The following ICA1 variants were observed in gnomAD, a reference collection of about 807,000 sequenced individuals.
The protein encoded by ICA1 is islet cell autoantigen 1.
A neutral mutation model predicts 71.0 loss-of-function variants in ICA1; 40 were observed. The ratio of observed to expected loss-of-function variants is 0.56; its 90% CI spans 0.44 to 0.73. The LOEUF (loss-of-function observed/expected upper bound fraction) is 0.73, where lower values mean the gene tolerates loss of function less well. Among genes scored for constraint, ICA1 ranks in the 30% least tolerant of loss-of-function variants. ICA1 has a pLI of 0.00. For missense variants in ICA1, 578 were observed against 576.5 expected (o/e 1.00, Z -0.03); for synonymous variants, 207 against 209.5 (o/e 0.99, Z 0.10).
chr7:8,155,316 T>C (rs1346082328), intron 8 of ICA1, among the ~76,000 whole-genome samples: 2 of 152,236 alleles, frequency 1.3e-5, no homozygotes, highest in African/African-American at 4.8e-5. Context: ...AAGTATGTCC[T>C]GAACCACTGC....
chr7:8,157,096 G>T lies in ICA1; in HGVS notation c.804+20C>A. Reference sequence around the variant, plus strand: ...TTTACTTTTCTCAAGATTTTCTAGTGGCCCCTCTAGCTTCCATACCTTTAA... The same window carrying T: ...TTTACTTTTCTCAAGATTTTCTAGTTGCCCCTCTAGCTTCCATACCTTTAA... On this transcript the variant is annotated intron_variant, in intron 8 of 13. Transcript: ENST00000402384. 1.9e-6 allele frequency: 3 copies of T among 1,614,120 alleles called. No homozygotes were observed. Among genetic ancestry groups the T allele is most frequent in the Non-Finnish European group, 2.5e-6 (3 of 1,180,034 alleles).
At chr7:8,242,845 CCCT>C (rs557332440) in intron 1 of ICA1, among the ~76,000 whole-genome samples, 170 of 152,300 alleles carry the variant, frequency 1.1e-3, no homozygotes, top group African/African-American at 3.8e-3. Flanking sequence ...GACACATACA[CCCT>C]CCCAAGACTA....
intron 5 of ICA1, 112 bp from the exon 6 acceptor site, chr7:8,218,615 A>G (rs1401308477): frequency 1.3e-6 from 1 of 785,690 alleles, no homozygotes; most frequent in Non-Finnish European, 2.2e-6. Flanking sequence ...TGGAATGTAG[A>G]AGATGCTCCA....
rs369569955 is a variant in ICA1, at chr7:8,130,884, C to G, written c.1061-2742G>C. Among the ~76,000 whole-genome samples, 1 of 152,162 alleles carries G rather than the reference C, an allele frequency of 6.6e-6. No homozygotes were observed. The highest frequency in any genetic ancestry group is 1.5e-5 in the Non-Finnish European group (1 of 68,032). On this transcript the variant is annotated intron_variant, in intron 12 of 13. Coordinates refer to ENST00000402384, the MANE Select transcript of ICA1 (RefSeq NM_001136020.3). The surrounding 1 kb of genome is among the most constrained non-coding windows in gnomAD (Gnocchi z 4.2). ...AATGGACTTTGGTGGTTTTTGCTAA[C>G]TCAGCATCCCTTCCCTCTGCTTCTT... is the stretch of plus-strand genomic sequence containing the variant.
chr7:8,239,587 G>A (rs1382220357), intron 1 of ICA1, among the ~76,000 whole-genome samples: 1 of 152,200 alleles, frequency 6.6e-6, no homozygotes, highest in East Asian at 1.9e-4. Flanking sequence ...CCGAAACAGG[G>A]CAGGGCATCT....
chr7:8,131,462 C>A (rs1246569921), intron 12 of ICA1, among the ~76,000 whole-genome samples: 1 of 152,152 alleles, frequency 6.6e-6, no homozygotes, highest in Non-Finnish European at 1.5e-5. Context: ...TTGCCTACAG[C>A]CAGTTCTAAA....
At chr7:8,218,805 G>T (rs2128414686) in intron 5 of ICA1, 1 of 425,724 alleles carries the variant, frequency 2.3e-6, no homozygotes. Flanking sequence ...TTGAAGCTGG[G>T]GCCAATCCCG....
At chr7:8,237,783 G>A (rs1044102607) in intron 1 of ICA1, among the ~76,000 whole-genome samples, 1 of 151,444 alleles carries the variant, frequency 6.6e-6, no homozygotes, top group South Asian at 2.1e-4. Flanking sequence ...TTTTAAGGCT[G>A]AATGATATTG....
intron 1 of ICA1, among the ~76,000 whole-genome samples, chr7:8,239,122 T>C (rs1028831194): frequency 6.6e-6 from 1 of 152,222 alleles, no homozygotes; most frequent in Non-Finnish European, 1.5e-5. Flanking sequence ...GAACGCCTCA[T>C]GAGAAGGCAG....
At chr7:8,249,131 C>G (rs1400901013) in intron 1 of ICA1, among the ~76,000 whole-genome samples, 7 of 152,246 alleles carry the variant, frequency 4.6e-5, no homozygotes, top group African/African-American at 1.7e-4. Flanking sequence ...GCTACAGGCT[C>G]CCTGTGATGG....
chr7:8,221,451 A>G, intron 4 of ICA1, 53 bp from the exon 5 acceptor site: 1 of 1,598,330 alleles, frequency 6.3e-7, no homozygotes, highest in South Asian at 1.1e-5. Context: ...TTTGATTGCA[A>G]AGGGAACAAG....
At chr7:8,118,469 A>G (rs1408135087) in intron 13 of ICA1, among the ~76,000 whole-genome samples, 1 of 152,212 alleles carries the variant, frequency 6.6e-6, no homozygotes, top group East Asian at 1.9e-4. Flanking sequence ...GTTCTCTTAC[A>G]GTGGGTGAAG....
intron 6 of ICA1, among the ~76,000 whole-genome samples, chr7:8,180,608 A>T (rs1280145299): frequency 6.6e-6 from 1 of 152,194 alleles, no homozygotes; most frequent in African/African-American, 2.4e-5. Flanking sequence ...TCCGACTATC[A>T]GTGCATGATA....
chr7:8,255,317 T>C (rs904494884), intron 1 of ICA1, among the ~76,000 whole-genome samples: 13 of 152,346 alleles, frequency 8.5e-5, no homozygotes, highest in African/African-American at 3.1e-4. Context: ...TCATTTCTCA[T>C]GACTTTTGAC....
chr7:8,210,015 A>G (rs1793094744), intron 6 of ICA1, among the ~76,000 whole-genome samples: 1 of 152,206 alleles, frequency 6.6e-6, no homozygotes, highest in Non-Finnish European at 1.5e-5. Flanking sequence ...AGGGCCTAGA[A>G]GGCCACACTA....
rs146190288 is a variant in ICA1, at chr7:8,183,884, G to A, written c.580-25232C>T. ...TCTACTCTTAAGGAAATTTCAAGTT[G>A]TCGGAAAGTTGAGACTTGGGCACAA... On this transcript the variant is annotated intron_variant, in intron 6 of 13. Transcript: ENST00000402384. Among the ~76,000 whole-genome samples the A allele has an allele frequency of 1.1e-4, 17 of 152,248 alleles. No homozygotes were observed. The East Asian group carries it at 3.3e-3, about 29-fold the overall frequency.
At chr7:8,243,893 A>G (rs1804915267) in intron 1 of ICA1, among the ~76,000 whole-genome samples, 2 of 152,348 alleles carry the variant, frequency 1.3e-5, no homozygotes, top group South Asian at 4.1e-4. Context: ...GAGAACTACA[A>G]ACCACTGCTC....
chr7:8,223,847 C>T lies in ICA1; in HGVS notation c.257-2449G>A, dbSNP rs1299951248. On this transcript the variant is annotated intron_variant, in intron 4 of 13. Coordinates refer to ENST00000402384, the MANE Select transcript of ICA1 (RefSeq NM_001136020.3). The surrounding 1 kb of genome is among the most constrained non-coding windows in gnomAD (Gnocchi z 4.1). ...TTCAATTATCTGGGACTTGAGAATT[C>T]AGAGACAAAAACATTTTTATATTTA... Among the ~76,000 whole-genome samples, 1 of 152,174 alleles carries T rather than the reference C, an allele frequency of 6.6e-6. No individual in the cohort carries two copies. The highest frequency in any genetic ancestry group is 1.5e-5 in the Non-Finnish European group (1 of 68,024).
At chr7:8,148,193 T>C (rs6943357) in intron 8 of ICA1, among the ~76,000 whole-genome samples, 128,214 of 152,204 alleles carry the variant, frequency 0.84, 54,586 homozygotes, top group East Asian at 1. Context: ...TTCAAGTATA[T>C]AATCATACAG....
Sources: gnomAD v4.1 joint callset for allele counts (sites outside exome capture counted in the v4.1 genomes callset) on GRCh38, gnomAD v4.1.1 for gene constraint, Gnocchi (gnomAD v3.1) non-coding constraint, MANE v1.5 for transcripts, NCBI Gene and HGNC (gene_info 2026-07-23, HGNC 2026-07-21) for gene names.